The following CPPED1 variants were observed in gnomAD, a reference collection of about 807,000 sequenced individuals.
CPPED1 encodes serine/threonine-protein phosphatase CPPED1.
A neutral mutation model predicts 28.0 loss-of-function variants in CPPED1; 28 were observed. The ratio of observed to expected loss-of-function variants is 1.00; its 90% CI spans 0.74 to 1.37. CPPED1 has a LOEUF of 1.37. CPPED1 is among the 40% of genes most tolerant of loss of function. CPPED1 has a pLI of 0.00. For synonymous variants in CPPED1, 198 were observed against 180.2 expected (o/e 1.10, Z -0.79); for missense variants, 504 against 416.5 (o/e 1.21, Z -1.83).
intron 2 of CPPED1, among the ~76,000 whole-genome samples, chr16:12,771,253 T>C (rs934167790): frequency 3.3e-5 from 5 of 152,202 alleles, no homozygotes; most frequent in Non-Finnish European, 5.9e-5. Context: ...TCTAGAATAG[T>C]GCCTGGTGCA....
At chr16:12,751,223 T>C (rs1335085744) in intron 2 of CPPED1, among the ~76,000 whole-genome samples, 3 of 152,216 alleles carry the variant, frequency 2.0e-5, no homozygotes, top group African/African-American at 7.2e-5. Flanking sequence ...GGTGGCTACC[T>C]TCCTATCTAA....
At chr16:12,736,943 A>G (rs528081916) in intron 2 of CPPED1, among the ~76,000 whole-genome samples, 1 of 152,228 alleles carries the variant, frequency 6.6e-6, no homozygotes, top group Admixed American at 6.5e-5. Flanking sequence ...TAATCCCAGC[A>G]CCTTGGGAGG....
chr16:12,719,792 G>A (rs990448020), intron 2 of CPPED1, among the ~76,000 whole-genome samples: 2 of 151,874 alleles, frequency 1.3e-5, no homozygotes, highest in East Asian at 1.9e-4. Flanking sequence ...AAAATTAGCC[G>A]GGCGTGGTGG....
chr16:12,747,642 T>C (rs768254805), intron 2 of CPPED1, among the ~76,000 whole-genome samples: 12 of 151,996 alleles, frequency 7.9e-5, no homozygotes, highest in East Asian at 1.9e-4. Flanking sequence ...GGTCTCAAAC[T>C]CCTGGGCTCA....
At chr16:12,743,451 A>C (rs1309820141) in intron 2 of CPPED1, among the ~76,000 whole-genome samples, 1 of 152,204 alleles carries the variant, frequency 6.6e-6, no homozygotes, top group Non-Finnish European at 1.5e-5. Context: ...CCTAAAATGC[A>C]CCGGTCATAA....
In CPPED1 at chr16:12,682,354, A is replaced by AT. The variant is rs1366223505; in HGVS notation, c.716-17240dup. On this transcript the variant is annotated intron_variant, in intron 3 of 3. Transcript: ENST00000381774. The surrounding 1 kb of genome is among the most constrained non-coding windows in gnomAD (Gnocchi z 6.1). Reference sequence around the variant, plus strand: ...CCCAGCCCCTTTATTACTTTTCTACATGGGGGGCTATGCTCAACTTTTTAT... The same window carrying AT: ...CCCAGCCCCTTTATTACTTTTCTACATTGGGGGGCTATGCTCAACTTTTTAT... Among the ~76,000 whole-genome samples, 3 of 152,168 alleles carry AT rather than the reference A, an allele frequency of 2.0e-5. No individual in the cohort carries two copies. In the East Asian group the frequency reaches 5.8e-4, roughly 29 times the overall value.
At chr16:12,666,932 G>A (rs181145687) in intron 3 of CPPED1, among the ~76,000 whole-genome samples, 117 of 152,142 alleles carry the variant, frequency 7.7e-4, no homozygotes, top group Middle Eastern at 6.8e-3. Flanking sequence ...CTAGGCTAAG[G>A]CTTACTGCAA....
At chr16:12,724,882 G>A (rs1479842107) in intron 2 of CPPED1, among the ~76,000 whole-genome samples, 2 of 151,942 alleles carry the variant, frequency 1.3e-5, no homozygotes, top group Non-Finnish European at 2.9e-5. Context: ...AGCCTCTCGG[G>A]TTCACGCCAT....
At chr16:12,765,033 C>A (rs761673824) in intron 2 of CPPED1, among the ~76,000 whole-genome samples, 1 of 152,206 alleles carries the variant, frequency 6.6e-6, no homozygotes, top group Non-Finnish European at 1.5e-5. Context: ...TATGTCCCCG[C>A]TAGCACTGGG....
At chr16:12,789,009 C>T (rs1475422022) in intron 1 of CPPED1, among the ~76,000 whole-genome samples, 1 of 152,224 alleles carries the variant, frequency 6.6e-6, no homozygotes, top group Admixed American at 6.5e-5. Flanking sequence ...GTCTGCTTAG[C>T]AGATGTGTGC....
intron 3 of CPPED1, among the ~76,000 whole-genome samples, chr16:12,675,937 TGA>T (rs2079875386): frequency 1.3e-5 from 2 of 152,178 alleles, no homozygotes; most frequent in Non-Finnish European, 2.9e-5. Context: ...TAGCAGGCTT[TGA>T]GATAAGAGAT....
intron 2 of CPPED1, among the ~76,000 whole-genome samples, chr16:12,776,870 G>A (rs565893209): frequency 1.6e-3 from 243 of 152,224 alleles, no homozygotes; most frequent in Middle Eastern, 0.014. Context: ...AATGAGCCAA[G>A]ATCATGCCAC....
intron 2 of CPPED1, chr16:12,720,467 T>C (rs903354602): frequency 1.3e-5 from 2 of 153,306 alleles, no homozygotes; most frequent in Non-Finnish European, 2.9e-5. Context: ...ACCTTTGATA[T>C]TAACAAAGTG....
At chr16:12,781,705 A>G (rs2141239196) in intron 1 of CPPED1, among the ~76,000 whole-genome samples, 1 of 152,276 alleles carries the variant, frequency 6.6e-6, no homozygotes, top group South Asian at 2.1e-4. Flanking sequence ...CCACAAGAGA[A>G]CCCAATGCAG....
At chr16:12,776,649 G>A (rs1480396868) in intron 2 of CPPED1, among the ~76,000 whole-genome samples, 1 of 152,120 alleles carries the variant, frequency 6.6e-6, no homozygotes, top group African/African-American at 2.4e-5. Flanking sequence ...AGCTGGGCGT[G>A]GTGGCTCACG....
At chr16:12,714,194 T>G (rs1363017690) in intron 2 of CPPED1, among the ~76,000 whole-genome samples, 3 of 152,210 alleles carry the variant, frequency 2.0e-5, no homozygotes, top group East Asian at 3.8e-4. Flanking sequence ...TGATGGACGT[T>G]TGGGTTGTTT....
chr16:12,790,195 A>G (rs1352156321), intron 1 of CPPED1, among the ~76,000 whole-genome samples: 2 of 152,232 alleles, frequency 1.3e-5, no homozygotes, highest in Non-Finnish European at 2.9e-5. Context: ...CCTGCCTGAA[A>G]GACAGATATT....
At chr16:12,792,358 A>C (rs2141245063) in intron 1 of CPPED1, among the ~76,000 whole-genome samples, 1 of 152,298 alleles carries the variant, frequency 6.6e-6, no homozygotes, top group Admixed American at 6.5e-5. Context: ...TTGAGGTATC[A>C]CACTGGGAAG....
At position 12,670,999 on chromosome 16, in the gene CPPED1, T is replaced by C; in HGVS notation, c.716-5884A>G. Among the ~76,000 whole-genome samples the C allele has an allele frequency of 6.6e-6, 1 of 152,034 alleles. No individual in the cohort carries two copies. Among genetic ancestry groups the C allele is most frequent in the Non-Finnish European group, 1.5e-5 (1 of 68,000 alleles). On this transcript the variant is annotated intron_variant, in intron 3 of 3. Coordinates refer to ENST00000381774, the MANE Select transcript of CPPED1 (RefSeq NM_018340.3). This position sits in a 1 kb window ranked among gnomAD's most constrained non-coding sequence, Gnocchi z 4.2. Reference sequence around the variant, plus strand: ...CTGAGTAGCTGGGATTACAGGTGCCTGCCACCATGCCCAGCTCACTTTTGT... The same window carrying C: ...CTGAGTAGCTGGGATTACAGGTGCCCGCCACCATGCCCAGCTCACTTTTGT...
Sources: allele counts gnomAD v4.1 joint callset (sites outside exome capture counted in the v4.1 genomes callset), GRCh38; gene constraint gnomAD v4.1.1; non-coding constraint Gnocchi (gnomAD v3.1); transcripts MANE v1.5; gene names NCBI Gene and HGNC (gene_info 2026-07-23, HGNC 2026-07-21).